DPF2: variants seen among roughly 807,000 people sequenced by gnomAD.
The protein encoded by DPF2 is double PHD fingers 2, also known as zinc finger protein ubi-d4.
DPF2 carries 10 observed loss-of-function variants against 59.6 expected under a neutral mutation model. The observed-to-expected ratio is 0.17, with a 90% CI of 0.10 to 0.28. The LOEUF (loss-of-function observed/expected upper bound fraction) is 0.28, where lower values mean the gene tolerates loss of function less well. DPF2 is among the 10% of genes least tolerant of loss of function. The pLI is 1.00. For missense variants in DPF2, 315 were observed against 509.4 expected (o/e 0.62, Z 3.67); for synonymous variants, 189 against 190.6 (o/e 0.99, Z 0.07).
intron 6 of DPF2, 175 bp downstream of exon 6, chr11:65,344,244 T>A: frequency 1.5e-6 from 1 of 673,334 alleles, no homozygotes; most frequent in African/African-American, 1.8e-5. Flanking sequence ...CCCTGCTATA[T>A]GACGGGTGGG....
intron 2 of DPF2, among the ~76,000 whole-genome samples, 172 bp downstream of exon 2, chr11:65,340,717 C>T (rs1306642208): frequency 1.3e-5 from 2 of 152,114 alleles, no homozygotes; most frequent in Non-Finnish European, 2.9e-5. Flanking sequence ...TGTTTGATAC[C>T]AGCATCTTTG....
chr11:65,343,780 C>T lies in DPF2; in HGVS notation c.501C>T (p.Leu167=), dbSNP rs376241523. 10 of 1,598,110 alleles carry T rather than the reference C, an allele frequency of 6.3e-6. No homozygotes were observed. The highest frequency in any genetic ancestry group is 6.8e-6 in the Non-Finnish European group (8 of 1,172,676). The change falls in exon 5 of 11, where the codon CTC becomes CTT. Residue 167 remains leucine (L), a synonymous_variant. Transcript: ENST00000528416. ...AACCAGATGACTTCCTGGATGACCT[C>T]GATGATGAAGACTATGAAGAAGATA... is the stretch of plus-strand genomic sequence containing the variant. ...ILEPDDFLDD[L]DDEDYEEDTP...
intron 1 of DPF2, 64 bp downstream of exon 1, chr11:65,333,982 C>T (rs55812677): frequency 7.9e-7 from 1 of 1,259,194 alleles, no homozygotes; most frequent in African/African-American, 1.5e-5. Flanking sequence ...GAGTAGGGGG[C>T]GGTGGGGGAA....
intron 4 of DPF2, among the ~76,000 whole-genome samples, chr11:65,342,281 C>G (rs1473226407): frequency 6.6e-6 from 1 of 151,868 alleles, no homozygotes; most frequent in Non-Finnish European, 1.5e-5. Context: ...CTTGTCTCTA[C>G]TAAAAATAAA....
chr11:65,348,830 T>A lies in DPF2; in HGVS notation c.1018-20T>A. ...CATCAGTTATTCAGTCCCCATCCTC[T>A]TCCCTCTTGCCTACTTCAGGACCAG... On this transcript the variant is annotated intron_variant, in intron 9 of 10. Transcript: ENST00000528416. 6.2e-7 allele frequency: 1 copy of A among 1,613,938 alleles called. No homozygotes were observed. Among genetic ancestry groups the A allele is most frequent in the Non-Finnish European group, 8.5e-7 (1 of 1,179,860 alleles).
At chr11:65,344,506 C>G in intron 6 of DPF2, 1 of 1,471,588 alleles carries the variant, frequency 6.8e-7, no homozygotes, top group Non-Finnish European at 9.2e-7. Context: ...GTTTGCTCTG[C>G]TTTCCTGCTG....
At chr11:65,337,929 C>T (rs1306762246) in intron 1 of DPF2, among the ~76,000 whole-genome samples, 1 of 152,006 alleles carries the variant, frequency 6.6e-6, no homozygotes, top group East Asian at 1.9e-4. Flanking sequence ...CTCAGCCTCC[C>T]CCGTAGCTGG....
At chr11:65,343,163 G>A (rs1854428459) in intron 4 of DPF2, among the ~76,000 whole-genome samples, 1 of 152,040 alleles carries the variant, frequency 6.6e-6, no homozygotes, top group African/African-American at 2.4e-5. Flanking sequence ...ATCAGGTGTG[G>A]TGGCGCATGC....
intron 1 of DPF2, among the ~76,000 whole-genome samples, chr11:65,337,504 T>TATATAGAGAGAGAGAGAGAG (rs1282367012): frequency 9.3e-5 from 2 of 21,398 alleles, no homozygotes; most frequent in Admixed American, 8.6e-4. Context: ...TATATATATA[T>TATATAGAGAGAGAGAGAGAG]AGAGAGAGAG....
intron 6 of DPF2, chr11:65,345,006 T>C (rs1047878004): frequency 2.4e-5 from 6 of 253,854 alleles, no homozygotes; most frequent in African/African-American, 1.3e-4. Context: ...GCTGGCCCCC[T>C]TGCCCTTCTT....
Position 65,344,560 on chromosome 11 carries a change from C to G in DPF2, c.637+491C>G, listed in dbSNP as rs1565536780. ...GTGTATCAAGGCCTTCTTCTCATGA[C>G]TTTTCTTTCTGTCTTTCAGATAGTT... On this transcript the variant is annotated intron_variant, in intron 6 of 10. Coordinates refer to ENST00000528416, the MANE Select transcript of DPF2 (RefSeq NM_006268.5). 4 of 1,535,886 alleles carry G rather than the reference C, an allele frequency of 2.6e-6. No homozygotes were observed. The South Asian group carries it at 4.8e-5, about 18-fold the overall frequency.
At chr11:65,348,716 C>A in intron 9 of DPF2, 134 bp from the exon 10 acceptor site, 1 of 736,310 alleles carries the variant, frequency 1.4e-6, no homozygotes, top group Non-Finnish European at 2.2e-6. Flanking sequence ...AGAGGGGCAG[C>A]ATGGTTTCCC....
intron 1 of DPF2, among the ~76,000 whole-genome samples, chr11:65,338,856 A>C (rs1021760961): frequency 2.0e-5 from 3 of 152,170 alleles, no homozygotes; most frequent in African/African-American, 7.2e-5. Flanking sequence ...GACAGAAACC[A>C]CAGAGACTTA....
chr11:65,353,323 G>A lies in DPF2; in HGVS notation c.*1564G>A, dbSNP rs1854779468. The A allele has an allele frequency of 6.6e-6, 1 of 152,182 alleles. No homozygotes were observed. Among genetic ancestry groups the A allele is most frequent in the African/African-American group, 2.4e-5 (1 of 41,432 alleles). 9.4% of individuals were successfully genotyped at this position (152,182 alleles called of 1,614,324 possible). On this transcript the variant is annotated 3_prime_UTR_variant, in exon 11 of 11. Transcript: ENST00000528416. ...TCTTGGATACATAGATGGAAGTGAT[G>A]ACAGGTTTATAACAGTTGACCTTGC... is the stretch of plus-strand genomic sequence containing the variant.
rs4647568 is a variant in DPF2, at chr11:65,338,922, G to A, written c.33-1463G>A. 8.0e-3 allele frequency among the ~76,000 whole-genome samples: 1,213 copies of A among 152,206 alleles called. 11 individuals carry two copies. The highest frequency in any genetic ancestry group is 0.028 in the African/African-American group (1,154 of 41,512). On this transcript the variant is annotated intron_variant, in intron 1 of 10. Coordinates refer to ENST00000528416, the MANE Select transcript of DPF2 (RefSeq NM_006268.5). ...TCTTGTAAAATCCTGATATGTCAAA[G>A]CTCATTTGGTCCAACCTCCTCAATC... is the stretch of plus-strand genomic sequence containing the variant.
At chr11:65,344,765 G>C (rs1854478826) in intron 6 of DPF2, 1 of 879,110 alleles carries the variant, frequency 1.1e-6, no homozygotes, top group African/African-American at 1.7e-5. Flanking sequence ...AATTTCTGCT[G>C]TGCTCTACTC....
At chr11:65,342,859 A>T (rs1196847101) in intron 4 of DPF2, among the ~76,000 whole-genome samples, 2 of 151,196 alleles carry the variant, frequency 1.3e-5, no homozygotes, top group Non-Finnish European at 2.9e-5. Context: ...AAAAATACAA[A>T]AAAAATTAGC....
intron 6 of DPF2, 113 bp from the exon 7 acceptor site, chr11:65,345,552 TA>T: frequency 1.4e-6 from 2 of 1,453,608 alleles, no homozygotes; most frequent in Non-Finnish European, 9.4e-7. Context: ...GTGGAGCTGC[TA>T]GGGGAAGGGA....
chr11:65,333,929 G>C lies in DPF2; in HGVS notation c.32+11G>C, dbSNP rs1950062211. 3.7e-6 allele frequency: 6 copies of C among 1,613,752 alleles called. No homozygotes were observed. In the African/African-American group the frequency reaches 5.3e-5, roughly 14 times the overall value. On this transcript the variant is annotated intron_variant, in intron 1 of 10. Transcript: ENST00000528416. ...GAATGTAGTGAAGCTGTGAGTGGTCGTTTCTTTCTCTCCTAGGGCGGCAGG... is the reference window on the plus strand; with the variant it reads ...GAATGTAGTGAAGCTGTGAGTGGTCCTTTCTTTCTCTCCTAGGGCGGCAGG...
Sources: allele counts gnomAD v4.1 joint callset (sites outside exome capture counted in the v4.1 genomes callset), GRCh38; gene constraint gnomAD v4.1.1; transcripts MANE v1.5; gene names NCBI Gene and HGNC (gene_info 2026-07-23, HGNC 2026-07-21).